Variants in WDR1 observed in about 807,000 individuals in gnomAD.
The protein encoded by WDR1 is WD repeat-containing protein 1.
WDR1 carries 21 observed loss-of-function variants against 71.9 expected under a neutral mutation model. That is an observed-to-expected ratio of 0.29 (90% confidence interval 0.21 to 0.42). WDR1 has a LOEUF of 0.42. Among genes scored for constraint, WDR1 ranks in the 10% least tolerant of loss-of-function variants. The pLI is 1.00. For synonymous variants in WDR1, 424 were observed against 347.4 expected, an observed-to-expected ratio of 1.22 and a Z score of -2.45; for missense variants, 696 against 824.5, an observed-to-expected ratio of 0.84 and a Z score of 1.91.
At chr4:10,081,550 T>A in intron 10 of WDR1, 106 bp from the exon 11 acceptor site, 4 of 989,836 alleles carry the variant, frequency 4.0e-6, no homozygotes, top group Non-Finnish European at 6.3e-6. Context: ...AGAAGGCAAT[T>A]CTATTGCCAC....
At chr4:10,077,995 G>A in intron 12 of WDR1, 69 bp from the exon 13 acceptor site, 2 of 1,466,748 alleles carry the variant, frequency 1.4e-6, no homozygotes, top group Non-Finnish European at 1.8e-6. Flanking sequence ...TTTGTGAAGG[G>A]GGGGTCGAGG....
At chr4:10,101,879 C>A (rs184708715) in intron 3 of WDR1, among the ~76,000 whole-genome samples, 2 of 152,330 alleles carry the variant, frequency 1.3e-5, no homozygotes, top group Admixed American at 1.3e-4. Flanking sequence ...AATCTTGGGG[C>A]TTTAAATGAA....
At chr4:10,081,729 T>C (rs1461700797) in intron 10 of WDR1, among the ~76,000 whole-genome samples, 1 of 151,440 alleles carries the variant, frequency 6.6e-6, no homozygotes, top group African/African-American at 2.4e-5. Context: ...TTATCTGTGG[T>C]AAGCCCTCAT....
Position 10,077,133 on chromosome 4 carries a change from G to A in WDR1, c.1714+171C>T, listed in dbSNP as rs571057286. ...GTGGTCCCTCAGTACGGCCAGCAGC[G>A]CAGCTGGTGTTTGCTGGATGGAAGG... On this transcript the variant is annotated intron_variant, in intron 14 of 14. Transcript: ENST00000499869. The A allele has an allele frequency of 3.4e-5, 33 of 962,332 alleles. No individual in the cohort carries two copies. In the Admixed American group the frequency reaches 5.5e-4, roughly 16 times the overall value. 59.6% of individuals were successfully genotyped at this position (962,332 alleles called of 1,614,324 possible). A position where few individuals can be genotyped will look rare whatever the true frequency, so the allele number is the denominator to read the frequency against.
intron 3 of WDR1, among the ~76,000 whole-genome samples, chr4:10,099,776 C>T (rs531044394): frequency 1.3e-5 from 2 of 152,332 alleles, no homozygotes; most frequent in East Asian, 1.9e-4. Flanking sequence ...ACTCACACAC[C>T]GAGCAGTTCC....
intron 11 of WDR1, among the ~76,000 whole-genome samples, chr4:10,080,289 C>T (rs1247126620): frequency 6.6e-6 from 1 of 152,210 alleles, no homozygotes; most frequent in Non-Finnish European, 1.5e-5. Context: ...TAGGCCTCAT[C>T]CCCTCACCCA....
intron 2 of WDR1, among the ~76,000 whole-genome samples, chr4:10,107,474 G>A (rs1197609825): frequency 1.3e-5 from 2 of 152,230 alleles, no homozygotes; most frequent in African/African-American, 4.8e-5. Flanking sequence ...CCCTTCCTGA[G>A]CTCCCTCCAG....
chr4:10,088,755 A>G lies in WDR1; in HGVS notation c.559-14T>C, dbSNP rs1711766710. On this transcript the variant is annotated splice_polypyrimidine_tract_variant and intron_variant, in intron 5 of 14. Coordinates refer to ENST00000499869, the MANE Select transcript of WDR1 (RefSeq NM_017491.5). ...GCGGCTGTGGTCCTGCAGGAAAACA[A>G]TTACCTGCCTGATGAGGGGCCGCAG... is the stretch of plus-strand genomic sequence containing the variant. The G allele has an allele frequency of 1.3e-6, 2 of 1,581,342 alleles. No homozygotes were observed. The highest frequency in any genetic ancestry group is 1.2e-5 in the South Asian group (1 of 86,458).
At chr4:10,085,697 C>A (rs780566132) in intron 8 of WDR1, among the ~76,000 whole-genome samples, 8 of 152,270 alleles carry the variant, frequency 5.3e-5, no homozygotes, top group Non-Finnish European at 1.0e-4. Flanking sequence ...CAAGCTCCTG[C>A]TGCCCTGAGA....
rs1765134595 is a variant in WDR1, at chr4:10,084,524, T to C, written c.958A>G (p.Ser320Gly). ...SKPLHVIKGH[S>G]KSIQCLTVHK... The stretch of plus-strand genomic sequence containing the variant: ...ACCGTCAGACACTGGATCGATTTAC[T>C]GTGACCCTGTGAAGGAGACACACTG... Residue 320 changes from serine to glycine, a missense_variant, in exon 9 of 15, where the codon AGT becomes GGT. Ser to Gly is a moderately conservative substitution (Grantham distance 56). Coordinates refer to ENST00000499869, the MANE Select transcript of WDR1 (RefSeq NM_017491.5). The C allele has an allele frequency of 6.2e-7, 1 of 1,613,786 alleles. No homozygotes were observed. Among genetic ancestry groups the C allele is most frequent in the Non-Finnish European group, 8.5e-7 (1 of 1,179,736 alleles).
At chr4:10,116,586 G>C (rs1713753289) in intron 1 of WDR1, 65 bp downstream of exon 1, 4 of 1,135,462 alleles carry the variant, frequency 3.5e-6, no homozygotes, top group Non-Finnish European at 4.3e-6. Context: ...ACGGCGCCTA[G>C]GGGCCGGGGA....
rs545497657 is a variant in WDR1, at chr4:10,088,310, C to T, written c.700G>A (p.Asp234Asn). 9.6e-6 allele frequency: 15 copies of T among 1,555,662 alleles called. No homozygotes were observed. The highest frequency in any genetic ancestry group is 7.1e-5 in the South Asian group (6 of 84,204). The change falls in exon 7 of 15, where the codon GAC (aspartate) becomes AAC (asparagine). Residue 234 changes from aspartate (D) to asparagine (N), a missense_variant. Asp to Asn is a conservative substitution (Grantham distance 23). Transcript: ENST00000499869. ...VCALGGSKAH[D>N]GGIYAISWSP... is the part of the protein sequence containing the mutation. ...ATACTCACTGCGTAAATCCCACCGT[C>T]GTGGGCCTTGCTTCCGCCCAGCGCG...
chr4:10,106,297 C>T (rs1713012390), intron 2 of WDR1: 1 of 152,244 alleles, frequency 6.6e-6, no homozygotes, highest in South Asian at 2.1e-4. Context: ...AATGTCTGCC[C>T]AATCCAACCC....
intron 10 of WDR1, among the ~76,000 whole-genome samples, chr4:10,081,666 G>C (rs1331892690): frequency 1.5e-5 from 2 of 132,880 alleles, no homozygotes; most frequent in African/African-American, 2.9e-5. Context: ...GGAGGGGTGG[G>C]GGGGGGGGAA....
At chr4:10,110,028 C>G (rs562227496) in intron 2 of WDR1, among the ~76,000 whole-genome samples, 1 of 152,328 alleles carries the variant, frequency 6.6e-6, no homozygotes, top group South Asian at 2.1e-4. Flanking sequence ...CAGCCACAGA[C>G]CAGCACAAAA....
intron 10 of WDR1, among the ~76,000 whole-genome samples, chr4:10,081,651 C>T (rs1304320576): frequency 1.8e-5 from 1 of 55,096 alleles, no homozygotes. Flanking sequence ...ATAATGGGGG[C>T]CCGGGGAGGG....
chr4:10,105,232 C>G (rs1433841567), intron 2 of WDR1, among the ~76,000 whole-genome samples: 1 of 152,202 alleles, frequency 6.6e-6, no homozygotes, highest in Non-Finnish European at 1.5e-5. Flanking sequence ...TGGCACAACA[C>G]ACATCATAGT....
At chr4:10,100,326 T>A (rs935861576) in intron 3 of WDR1, among the ~76,000 whole-genome samples, 1 of 152,172 alleles carries the variant, frequency 6.6e-6, no homozygotes, top group African/African-American at 2.4e-5. Context: ...TGTGTCCTTA[T>A]CCAGAAGAGT....
Position 10,103,882 on chromosome 4 carries a change from C to T in WDR1, c.229+14G>A, listed in dbSNP as rs1037059260. The T allele has an allele frequency of 1.9e-6, 3 of 1,554,746 alleles. No homozygotes were observed. Among genetic ancestry groups the T allele is most frequent in the Non-Finnish European group, 2.6e-6 (3 of 1,148,906 alleles). On this transcript the variant is annotated intron_variant, in intron 3 of 14. Transcript: ENST00000499869. ...CCCCCACAGGTGTCCACGAGCCTTG[C>T]CCCCATACAGTACCTCCGGAGGCAA...
Sources: allele counts gnomAD v4.1 joint callset (sites outside exome capture counted in the v4.1 genomes callset), GRCh38; gene constraint gnomAD v4.1.1; transcripts MANE v1.5; gene names NCBI Gene and HGNC (gene_info 2026-07-23, HGNC 2026-07-21).